The following MYO16 variants were observed in gnomAD, a reference collection of about 807,000 sequenced individuals.
The protein encoded by MYO16 is unconventional myosin-XVI.
A neutral mutation model predicts 205.3 loss-of-function variants in MYO16; 94 were observed. That is an observed-to-expected ratio of 0.46 (90% CI 0.39 to 0.54). MYO16 has a LOEUF of 0.54. Ranked by LOEUF, MYO16 falls within the 20% of genes least tolerant of loss-of-function variation. The probability of loss-of-function intolerance (pLI) is 0.00; values close to 1 mark genes in which losing one functional copy is unlikely to be tolerated. For missense variants in MYO16, 2,315 were observed against 2,387.5 expected (o/e 0.97, Z 0.63); for synonymous variants, 988 against 954.0 (o/e 1.04, Z -0.66).
chr13:108,997,902 AT>A (rs1285113518), intron 21 of MYO16, among the ~76,000 whole-genome samples: 2 of 152,188 alleles, frequency 1.3e-5, no homozygotes, highest in Non-Finnish European at 2.9e-5. Flanking sequence ...ATCTAAATTG[AT>A]TTCATCAGAC....
chr13:109,033,318 C>T (rs1231595230), intron 23 of MYO16, among the ~76,000 whole-genome samples: 4 of 152,176 alleles, frequency 2.6e-5, no homozygotes, highest in Non-Finnish European at 5.9e-5. Flanking sequence ...GACGGCTTCT[C>T]CTTTCACATA....
chr13:109,197,178 G>A (rs1880195686), intron 34 of MYO16, among the ~76,000 whole-genome samples: 2 of 152,194 alleles, frequency 1.3e-5, no homozygotes, highest in African/African-American at 4.8e-5. Flanking sequence ...AGCAAGAAAC[G>A]AGCATGGGAC....
chr13:108,975,038 G>T (rs962886664), intron 20 of MYO16, among the ~76,000 whole-genome samples: 1 of 152,120 alleles, frequency 6.6e-6, no homozygotes, highest in Non-Finnish European at 1.5e-5. Flanking sequence ...GTTTATTCAT[G>T]TATTTATTTA....
At chr13:108,782,403 C>A (rs1466846202) in intron 4 of MYO16, among the ~76,000 whole-genome samples, 2 of 152,168 alleles carry the variant, frequency 1.3e-5, no homozygotes, top group African/African-American at 4.8e-5. Context: ...AGCTTCAAAG[C>A]ATTCAAGAGG....
At chr13:109,016,944 G>A (rs1039689227) in intron 22 of MYO16, among the ~76,000 whole-genome samples, 1 of 152,042 alleles carries the variant, frequency 6.6e-6, no homozygotes, top group Admixed American at 6.6e-5. Flanking sequence ...TCTTTTAATT[G>A]GGGCATTTAG....
At chr13:108,785,252 T>G (rs946416427) in intron 4 of MYO16, among the ~76,000 whole-genome samples, 3 of 152,156 alleles carry the variant, frequency 2.0e-5, no homozygotes. Context: ...GCTTGCTCCT[T>G]GAAGAGTTCT....
At chr13:108,838,624 C>T (rs1329255502) in intron 9 of MYO16, among the ~76,000 whole-genome samples, 2 of 149,216 alleles carry the variant, frequency 1.3e-5, no homozygotes, top group Non-Finnish European at 3.0e-5. Context: ...GCCAAGATCA[C>T]ACCACTGCAC....
At chr13:108,542,417 C>T in the MYO16 span, among the ~76,000 whole-genome samples, 804 of 152,184 alleles carry the variant, frequency 5.3e-3, 4 homozygotes, top group Non-Finnish European at 9.2e-3. Context: ...CCCCAACCCC[C>T]GTCACAAGTT....
At chr13:108,729,223 C>G (rs1333340025) in intron 4 of MYO16, among the ~76,000 whole-genome samples, 1 of 151,824 alleles carries the variant, frequency 6.6e-6, no homozygotes, top group Non-Finnish European at 1.5e-5. Flanking sequence ...TGCCGGTTCA[C>G]CATAAAGGCC....
chr13:108,856,575 T>C (rs754185714), intron 11 of MYO16, among the ~76,000 whole-genome samples: 1 of 152,242 alleles, frequency 6.6e-6, no homozygotes, highest in Non-Finnish European at 1.5e-5. Context: ...GTTATCACCC[T>C]GTTACTTTTG....
chr13:108,945,759 G>A (rs531883960), intron 16 of MYO16, among the ~76,000 whole-genome samples: 2 of 152,140 alleles, frequency 1.3e-5, no homozygotes, highest in African/African-American at 4.8e-5. Context: ...AGTAGGTACA[G>A]CCTATATTTG....
intron 1 of MYO16, among the ~76,000 whole-genome samples, chr13:108,608,377 G>T (rs1038464814): frequency 6.6e-6 from 1 of 152,048 alleles, no homozygotes; most frequent in Non-Finnish European, 1.5e-5. Context: ...CTCTGCCTAG[G>T]AGCCTTCCCC....
the MYO16 span, among the ~76,000 whole-genome samples, chr13:108,510,463 T>TTC: frequency 3.6e-5 from 1 of 27,648 alleles, no homozygotes; most frequent in African/African-American, 9.9e-5. Context: ...TGATAGCTGT[T>TTC]TTTTTTTTTT....
chr13:108,881,112 G>A (rs965028923), intron 12 of MYO16, among the ~76,000 whole-genome samples: 2 of 152,156 alleles, frequency 1.3e-5, no homozygotes, highest in African/African-American at 4.8e-5. Context: ...GGATCAGGCA[G>A]CAACATTTGC....
intron 6 of MYO16, among the ~76,000 whole-genome samples, chr13:108,802,022 A>G (rs1413387831): frequency 1.3e-5 from 2 of 152,216 alleles, no homozygotes; most frequent in East Asian, 3.8e-4. Flanking sequence ...TTTTCGATAT[A>G]TGTATACACT....
chr13:108,585,130 T>G, the MYO16 span, among the ~76,000 whole-genome samples: 1 of 152,302 alleles, frequency 6.6e-6, no homozygotes, highest in East Asian at 1.9e-4. Flanking sequence ...TAAAATATTT[T>G]CAGAGATTTA....
At chr13:108,857,865 G>A (rs1878262849) in intron 11 of MYO16, among the ~76,000 whole-genome samples, 1 of 151,926 alleles carries the variant, frequency 6.6e-6, no homozygotes, top group Non-Finnish European at 1.5e-5. Context: ...TCTCTTTCTT[G>A]ATCACCTGAA....
rs373631915 is a variant in MYO16 at position 109,024,413 on chromosome 13, A to G, written c.2796+4502A>G. 2.0e-4 allele frequency among the ~76,000 whole-genome samples: 30 copies of G among 152,180 alleles called. No homozygotes were observed. The East Asian group carries it at 3.9e-3, about 20-fold the overall frequency. The stretch of plus-strand genomic sequence containing the variant: ...ATGCACTAGATGTTCAATAAATGCT[A>G]ATTGCATTAAAGTCAGTGGAAATGT... On this transcript the variant is annotated intron_variant, in intron 23 of 34. Transcript: ENST00000457511.
chr13:109,101,334 G>A (rs554496682), intron 28 of MYO16: 1 of 155,774 alleles, frequency 6.4e-6, no homozygotes, highest in East Asian at 1.8e-4. Context: ...CTTTTTTTCT[G>A]TTTCTCTTTG....
Sources: allele counts gnomAD v4.1 joint callset (sites outside exome capture counted in the v4.1 genomes callset), GRCh38; gene constraint gnomAD v4.1.1; transcripts MANE v1.5; gene names NCBI Gene and HGNC (gene_info 2026-07-23, HGNC 2026-07-21).